The following NR3C2 variants were observed in gnomAD, a reference collection of about 807,000 sequenced individuals.
NR3C2 encodes the protein mineralocorticoid receptor.
A neutral mutation model predicts 86.4 loss-of-function variants in NR3C2; 15 were observed. The observed-to-expected ratio is 0.17, with a 90% confidence interval of 0.12 to 0.27. The LOEUF is 0.27. NR3C2 is among the 10% of genes least tolerant of loss of function. The pLI is 1.00. For missense variants in NR3C2, 960 were observed against 1,195.6 expected (o/e 0.80, Z 2.91); for synonymous variants, 458 against 450.5 (o/e 1.02, Z -0.21).
chr4:148,178,740 G>A (rs1735503750), intron 4 of NR3C2, among the ~76,000 whole-genome samples: 3 of 151,408 alleles, frequency 2.0e-5, no homozygotes, highest in African/African-American at 4.8e-5. Flanking sequence ...GCCCTGTTCT[G>A]GGTGGTGACT....
At chr4:148,086,534 A>G (rs1345587132) in intron 8 of NR3C2, among the ~76,000 whole-genome samples, 1 of 152,184 alleles carries the variant, frequency 6.6e-6, no homozygotes, top group Non-Finnish European at 1.5e-5. Context: ...CAGGAGTTTG[A>G]GATCAGCCTG....
intron 2 of NR3C2, among the ~76,000 whole-genome samples, chr4:148,402,723 T>C (rs896179620): frequency 1.3e-5 from 2 of 152,194 alleles, no homozygotes; most frequent in South Asian, 2.1e-4. Context: ...TCAATAAATA[T>C]TATATGAGGC....
At chr4:148,184,577 T>C (rs1313332208) in intron 4 of NR3C2, among the ~76,000 whole-genome samples, 2 of 152,152 alleles carry the variant, frequency 1.3e-5, no homozygotes, top group African/African-American at 2.4e-5. Flanking sequence ...AATATTTATA[T>C]ATTTTATGTA....
At chr4:148,394,712 A>G (rs1747770989) in intron 2 of NR3C2, among the ~76,000 whole-genome samples, 2 of 152,188 alleles carry the variant, frequency 1.3e-5, no homozygotes, top group Admixed American at 1.3e-4. Flanking sequence ...AAAAACATGT[A>G]GCATCAGTTT....
intron 2 of NR3C2, among the ~76,000 whole-genome samples, chr4:148,260,674 T>C (rs1347674484): frequency 1.3e-5 from 2 of 152,346 alleles, no homozygotes; most frequent in East Asian, 1.9e-4. Flanking sequence ...CTTATATAGA[T>C]GTGTTCTAAT....
intron 6 of NR3C2, among the ~76,000 whole-genome samples, chr4:148,130,591 G>T (rs1397066556): frequency 6.6e-6 from 1 of 152,086 alleles, no homozygotes; most frequent in Non-Finnish European, 1.5e-5. Flanking sequence ...ACTGATTTTT[G>T]TATGGTGCAT....
At chr4:148,110,476 T>C (rs1209440333) in intron 8 of NR3C2, among the ~76,000 whole-genome samples, 1 of 152,248 alleles carries the variant, frequency 6.6e-6, no homozygotes, top group East Asian at 1.9e-4. Context: ...AGCCAGCGCA[T>C]TGTGTAGTTC....
chr4:148,102,497 C>T (rs1044635177), intron 8 of NR3C2, among the ~76,000 whole-genome samples: 25 of 152,196 alleles, frequency 1.6e-4, no homozygotes, highest in African/African-American at 5.5e-4. Context: ...GCTACCTTGC[C>T]CAGCTATCTA....
intron 2 of NR3C2, among the ~76,000 whole-genome samples, chr4:148,337,969 T>C (rs1038754794): frequency 1.3e-5 from 2 of 152,184 alleles, no homozygotes; most frequent in Non-Finnish European, 2.9e-5. Flanking sequence ...AATTTCTCAC[T>C]AGTTTTGTGA....
At chr4:148,117,961 C>G (rs1038002025) in intron 7 of NR3C2, among the ~76,000 whole-genome samples, 7 of 152,220 alleles carry the variant, frequency 4.6e-5, no homozygotes. Context: ...GGCATCCTTG[C>G]AGGCTCTTAA....
intron 4 of NR3C2, among the ~76,000 whole-genome samples, chr4:148,161,086 G>A (rs1156279210): frequency 3.0e-5 from 4 of 131,742 alleles, no homozygotes; most frequent in African/African-American, 1.0e-4. Context: ...GTAGAACTGG[G>A]TCCCAGGGCA....
At chr4:148,141,011 C>A (rs1042331406) in intron 6 of NR3C2, among the ~76,000 whole-genome samples, 22 of 152,190 alleles carry the variant, frequency 1.4e-4, no homozygotes, top group Admixed American at 1.3e-3. Flanking sequence ...GAATCTTTTT[C>A]ATTAAGCTTA....
chr4:148,402,800 A>G (rs1748233891), intron 2 of NR3C2, among the ~76,000 whole-genome samples: 1 of 152,166 alleles, frequency 6.6e-6, no homozygotes, highest in Admixed American at 6.5e-5. Context: ...TACAATGGAA[A>G]GCAAAACAAG....
intron 2 of NR3C2, among the ~76,000 whole-genome samples, chr4:148,416,924 T>C (rs1305380051): frequency 1.3e-5 from 2 of 151,822 alleles, no homozygotes; most frequent in Non-Finnish European, 2.9e-5. Flanking sequence ...AACAGGTGCC[T>C]GCCACCATGC....
intron 2 of NR3C2, among the ~76,000 whole-genome samples, chr4:148,318,009 A>G (rs539509745): frequency 3.5e-5 from 5 of 142,860 alleles, no homozygotes; most frequent in Non-Finnish European, 7.7e-5. Context: ...ATATCTCCCA[A>G]TGCTATCCCT....
intron 2 of NR3C2, among the ~76,000 whole-genome samples, chr4:148,304,674 T>C (rs1221254811): frequency 6.6e-6 from 1 of 152,052 alleles, no homozygotes; most frequent in African/African-American, 2.4e-5. Flanking sequence ...TGTACTACTT[T>C]AGAGGGGGGA....
intron 2 of NR3C2, among the ~76,000 whole-genome samples, chr4:148,337,833 C>A (rs970111223): frequency 6.6e-6 from 1 of 152,126 alleles, no homozygotes; most frequent in Non-Finnish European, 1.5e-5. Context: ...TGGGACTTCA[C>A]TTTCTGTTTT....
intron 2 of NR3C2, among the ~76,000 whole-genome samples, chr4:148,381,835 T>A (rs1355134979): frequency 6.6e-6 from 1 of 152,186 alleles, no homozygotes; most frequent in East Asian, 1.9e-4. Context: ...TTGTGTGTAT[T>A]TTTCAGATGT....
chr4:148,154,901 GCTATAAGAAA>G lies in NR3C2; in HGVS notation c.2015-10_2015-1del. On this transcript the variant is annotated splice_acceptor_variant and splice_polypyrimidine_tract_variant and intron_variant, in intron 4 of 8. Coordinates refer to ENST00000358102, the MANE Select transcript of NR3C2 (RefSeq NM_000901.5). LOFTEE classifies it high-confidence loss of function. ...CTTTCCCAACTTCTTTGACTTTCGT[GCTATAAGAAA>G]CCATAAATGATAAGGCCAAATTAAA... The G allele has an allele frequency of 6.4e-7, 1 of 1,553,644 alleles. No individual in the cohort carries two copies.
Sources: gnomAD v4.1 joint callset for allele counts (sites outside exome capture counted in the v4.1 genomes callset) on GRCh38, gnomAD v4.1.1 for gene constraint, MANE v1.5 for transcripts, NCBI Gene and HGNC (gene_info 2026-07-23, HGNC 2026-07-21) for gene names.